EDARADD: variants seen among roughly 807,000 people sequenced by gnomAD.
The protein encoded by EDARADD is EDAR associated via death domain, also known as ectodysplasin-A receptor-associated adapter protein.
A neutral mutation model predicts 25.6 loss-of-function variants in EDARADD; 20 were observed. That is an observed-to-expected ratio of 0.78 (90% CI 0.55 to 1.14). The LOEUF is 1.14. Ranked by LOEUF, EDARADD falls within the 50% of genes most tolerant of loss-of-function variation. The pLI is 0.00. For missense variants in EDARADD, 225 were observed against 270.1 expected, an observed-to-expected ratio of 0.83 and a Z score of 1.17; for synonymous variants, 86 against 94.4, an observed-to-expected ratio of 0.91 and a Z score of 0.52.
intron 3 of EDARADD, among the ~76,000 whole-genome samples, chr1:236,366,619 A>G (rs1454349986): frequency 6.6e-6 from 1 of 151,758 alleles, no homozygotes; most frequent in East Asian, 1.9e-4. Flanking sequence ...GTCTCCCTAA[A>G]CTCTTAGCTC....
intron 4 of EDARADD, among the ~76,000 whole-genome samples, chr1:236,461,897 A>C (rs1199329142): frequency 1.3e-5 from 2 of 152,206 alleles, no homozygotes; most frequent in Non-Finnish European, 2.9e-5. Flanking sequence ...AGCATGTTTC[A>C]CATTAAACTA....
intron 4 of EDARADD, among the ~76,000 whole-genome samples, chr1:236,429,185 A>AGAGGGT (rs1210680177): frequency 9.1e-6 from 1 of 109,314 alleles, no homozygotes; most frequent in African/African-American, 2.7e-5. Flanking sequence ...GAGACTGTGC[A>AGAGGGT]GAGGGAGAGG....
chr1:236,430,212 A>G (rs1295610381), intron 4 of EDARADD, among the ~76,000 whole-genome samples: 2 of 152,174 alleles, frequency 1.3e-5, no homozygotes, highest in Non-Finnish European at 2.9e-5. Context: ...TACTCCTGAT[A>G]CTCAACATTT....
At chr1:236,455,821 G>A (rs541636187) in intron 4 of EDARADD, among the ~76,000 whole-genome samples, 34 of 152,248 alleles carry the variant, frequency 2.2e-4, no homozygotes, top group African/African-American at 7.9e-4. Flanking sequence ...ACGGAGTCTC[G>A]CTCTGTCACC....
chr1:236,422,280 C>G (rs1657801880), intron 3 of EDARADD, among the ~76,000 whole-genome samples: 1 of 152,202 alleles, frequency 6.6e-6, no homozygotes, highest in African/African-American at 2.4e-5. Context: ...GTCTTGCTCA[C>G]TGTCAGTAAT....
At chr1:236,411,147 G>C (rs563800847) in intron 2 of EDARADD, among the ~76,000 whole-genome samples, 1 of 152,154 alleles carries the variant, frequency 6.6e-6, no homozygotes, top group South Asian at 2.1e-4. Context: ...CTCACCTTGG[G>C]GCTCAGCTAC....
Position 236,466,959 on chromosome 1 carries a change from T to C in EDARADD, c.220-1272T>C, listed in dbSNP as rs181075353. ...GCGGGTGGCTGTAGTCCCAGCTACTTGGGAGGCTGAGGCAGGAGAATGGCG... is the reference window on the plus strand; with the variant it reads ...GCGGGTGGCTGTAGTCCCAGCTACTCGGGAGGCTGAGGCAGGAGAATGGCG... On this transcript the variant is annotated intron_variant, in intron 4 of 5. Coordinates refer to ENST00000334232, the MANE Select transcript of EDARADD (RefSeq NM_145861.4). Among the ~76,000 whole-genome samples the C allele has an allele frequency of 1.5e-4, 23 of 151,764 alleles. 1 individual carries two copies. The highest frequency in any genetic ancestry group is 1.4e-3 in the East Asian group (7 of 5,156).
In EDARADD at chr1:236,484,294, A is replaced by G. The variant is rs960795866; in HGVS notation, c.*1645A>G. Reference sequence around the variant, plus strand: ...GTGCCTCATCATTCTGGGGAGACTGAAAATACCTTCATCACTGACCTGGTG... The same window carrying G: ...GTGCCTCATCATTCTGGGGAGACTGGAAATACCTTCATCACTGACCTGGTG... On this transcript the variant is annotated 3_prime_UTR_variant, in exon 6 of 6. Transcript: ENST00000334232. This position sits in a 1 kb window ranked among gnomAD's most constrained non-coding sequence, Gnocchi z 4.1. 7.4e-6 allele frequency: 8 copies of G among 1,082,652 alleles called. No homozygotes were observed. Among genetic ancestry groups the G allele is most frequent in the Admixed American group, 3.4e-5 (2 of 58,786 alleles). 67.1% of individuals were successfully genotyped at this position (1,082,652 alleles called of 1,614,324 possible).
At chr1:236,466,646 A>G (rs1659198628) in intron 4 of EDARADD, among the ~76,000 whole-genome samples, 1 of 152,232 alleles carries the variant, frequency 6.6e-6, no homozygotes, top group Non-Finnish European at 1.5e-5. Context: ...TGTGAAAACA[A>G]AACAAAACAA....
At chr1:236,482,172 T>A in intron 5 of EDARADD, 95 bp from the exon 6 acceptor site, 1 of 1,472,884 alleles carries the variant, frequency 6.8e-7, no homozygotes. Flanking sequence ...CATATGATGC[T>A]TTTGACAATT....
intron 4 of EDARADD, among the ~76,000 whole-genome samples, chr1:236,462,725 C>T (rs2103032699): frequency 6.6e-6 from 1 of 152,296 alleles, no homozygotes; most frequent in Non-Finnish European, 1.5e-5. Context: ...TGCAACTTAG[C>T]CGACTTTCTG....
intron 5 of EDARADD, among the ~76,000 whole-genome samples, chr1:236,477,830 C>T (rs908397769): frequency 2.0e-5 from 3 of 152,012 alleles, no homozygotes; most frequent in Non-Finnish European, 4.4e-5. Context: ...TGACCGGGCG[C>T]GGTGGCTCAC....
At chr1:236,456,572 A>G (rs57125797) in intron 4 of EDARADD, among the ~76,000 whole-genome samples, 36,439 of 151,722 alleles carry the variant, frequency 0.24, 7,399 homozygotes, top group African/African-American at 0.55. Flanking sequence ...TTTATCCCAG[A>G]CTGTGACCTT....
intron 4 of EDARADD, among the ~76,000 whole-genome samples, chr1:236,432,973 T>G (rs1429759686): frequency 2.6e-5 from 4 of 151,892 alleles, no homozygotes; most frequent in Non-Finnish European, 5.9e-5. Flanking sequence ...ACAATACCAT[T>G]AAGTTATTGG....
rs1173624445 is a variant in EDARADD, at chr1:236,357,530, C to T, written c.-6+6691C>T. Reference sequence around the variant, plus strand: ...GTAATTTATAAGAAAAGAGGTTCTTCCAGCTTTACAAGCGTGGCACCAGCA... The same window carrying T: ...GTAATTTATAAGAAAAGAGGTTCTTTCAGCTTTACAAGCGTGGCACCAGCA... On this transcript the variant is annotated intron_variant, in intron 3 of 7. Coordinates refer to the EDARADD transcript ENST00000439430. 2.0e-5 allele frequency among the ~76,000 whole-genome samples: 3 copies of T among 152,096 alleles called. No individual in the cohort carries two copies. The South Asian group carries it at 6.2e-4, about 32-fold the overall frequency.
intron 5 of EDARADD, among the ~76,000 whole-genome samples, chr1:236,476,674 T>C (rs1307035607): frequency 1.3e-5 from 2 of 151,948 alleles, no homozygotes; most frequent in Non-Finnish European, 2.9e-5. Context: ...TACAGGCATG[T>C]GCCACCACAC....
At chr1:236,465,517 TG>T (rs1480244860) in intron 4 of EDARADD, among the ~76,000 whole-genome samples, 1 of 152,204 alleles carries the variant, frequency 6.6e-6, no homozygotes, top group Non-Finnish European at 1.5e-5. Context: ...ATCTCAAACA[TG>T]TCTGTCTCCA....
At chr1:236,410,136 G>A (rs1034628589) in intron 2 of EDARADD, among the ~76,000 whole-genome samples, 36 of 151,802 alleles carry the variant, frequency 2.4e-4, no homozygotes, top group African/African-American at 8.7e-4. Context: ...ATGCAGCTTT[G>A]TTACGTGGAT....
In EDARADD at chr1:236,395,370, C is replaced by G. The variant is rs963168378; in HGVS notation, c.61+865C>G. On this transcript the variant is annotated intron_variant, in intron 1 of 5. Coordinates refer to ENST00000334232, the MANE Select transcript of EDARADD (RefSeq NM_145861.4). This position sits in a 1 kb window ranked among gnomAD's most constrained non-coding sequence, Gnocchi z 6.9. ...GCGGCACCCCGGCTCCCGCCCCGCG[C>G]CTCTGGAGGGAGGTACCGAGGGACG... 7.3e-7 allele frequency: 1 copy of G among 1,361,450 alleles called. No homozygotes were observed. Among genetic ancestry groups the G allele is most frequent in the Admixed American group, 3.1e-5 (1 of 32,072 alleles). The allele number at this position is 1,361,450 out of a possible 1,614,324, so 84.3% of individuals were successfully genotyped here.
Sources: gnomAD v4.1 joint callset for allele counts (sites outside exome capture counted in the v4.1 genomes callset) on GRCh38, gnomAD v4.1.1 for gene constraint, Gnocchi (gnomAD v3.1) non-coding constraint, MANE v1.5 for transcripts, NCBI Gene and HGNC (gene_info 2026-07-23, HGNC 2026-07-21) for gene names.